The following ZBTB17 variants were observed in gnomAD, a reference collection of about 807,000 sequenced individuals.
ZBTB17 encodes zinc finger and BTB domain-containing protein 17.
A neutral mutation model predicts 85.1 loss-of-function variants in ZBTB17; 24 were observed. The observed-to-expected ratio is 0.28, with a 90% CI of 0.20 to 0.40. The LOEUF is 0.40. Among genes scored for constraint, ZBTB17 ranks in the 10% least tolerant of loss-of-function variants. ZBTB17 has a pLI of 1.00. For missense variants in ZBTB17, 743 were observed against 1,105.1 expected, an observed-to-expected ratio of 0.67 and a Z score of 4.65; for synonymous variants, 464 against 460.2, an observed-to-expected ratio of 1.01 and a Z score of -0.11.
intron 2 of ZBTB17, among the ~76,000 whole-genome samples, chr1:15,949,953 A>C (rs1422748804): frequency 6.6e-6 from 1 of 152,242 alleles, no homozygotes; most frequent in Non-Finnish European, 1.5e-5. Flanking sequence ...CCTCCGAGCC[A>C]CAAGTTCAGC....
chr1:15,962,478 T>C (rs1282905823), intron 2 of ZBTB17, among the ~76,000 whole-genome samples: 1 of 152,046 alleles, frequency 6.6e-6, no homozygotes, highest in Non-Finnish European at 1.5e-5. Context: ...GCCTCACCAG[T>C]GCTCACAATG....
At chr1:15,971,360 C>A (rs1056274118) in intron 2 of ZBTB17, among the ~76,000 whole-genome samples, 14 of 139,652 alleles carry the variant, frequency 1.0e-4, no homozygotes, top group East Asian at 2.1e-4. Context: ...CATACACACA[C>A]AATATATATA....
chr1:15,944,192 G>T, intron 9 of ZBTB17, 108 bp downstream of exon 9: 1 of 1,435,972 alleles, frequency 7.0e-7, no homozygotes, highest in Non-Finnish European at 9.5e-7. Flanking sequence ...AAGCTGATGA[G>T]CTCCTGGAGG....
At position 15,943,880 on chromosome 1, in the gene ZBTB17, C is replaced by T. The variant is rs1405454675; in HGVS notation, c.1387G>A (p.Ala463Thr). 2 of 1,603,692 alleles carry T rather than the reference C, an allele frequency of 1.2e-6. No homozygotes were observed. The highest frequency in any genetic ancestry group is 1.7e-6 in the Non-Finnish European group (2 of 1,175,554). The change falls in exon 10 of 16, where the codon GCC becomes ACC. Residue 463 changes from alanine (A) to threonine (T), a missense_variant. By Grantham distance (58) the Ala-to-Thr change is moderately conservative (BLOSUM62 0). Coordinates refer to ENST00000375743, the MANE Select transcript of ZBTB17 (RefSeq NM_003443.3). Reference sequence around the variant, plus strand: ...TCAGCGATGTGGATCTTCAGGTGGGCCTTCAGGTTCCCTACCTGTGCCCAG... The same window carrying T: ...TCAGCGATGTGGATCTTCAGGTGGGTCTTCAGGTTCCCTACCTGTGCCCAG... ...KKFNQVGNLK[A>T]HLKIHIADGP...
rs202067602 is a variant in ZBTB17 at position 15,945,858 on chromosome 1, C to T, written c.536-18G>A. The T allele has an allele frequency of 6.3e-6, 10 of 1,584,090 alleles. No homozygotes were observed. Among genetic ancestry groups the T allele is most frequent in the African/African-American group, 2.7e-5 (2 of 74,616 alleles). ...CTCTGCACCTGGGTGGGGGAAGCAC[C>T]GGAGGCTGGATTGCTACCCTCTGCC... is the stretch of plus-strand genomic sequence containing the variant. On this transcript the variant is annotated intron_variant, in intron 5 of 15. Coordinates refer to ENST00000375743, the MANE Select transcript of ZBTB17 (RefSeq NM_003443.3).
At chr1:15,960,639 T>C (rs915791637) in intron 2 of ZBTB17, among the ~76,000 whole-genome samples, 2 of 152,176 alleles carry the variant, frequency 1.3e-5, no homozygotes, top group Non-Finnish European at 2.9e-5. Flanking sequence ...CCACCTTCTT[T>C]CTACAAAGGA....
Position 15,942,143 on chromosome 1 carries a change from C to T in ZBTB17, c.2238G>A (p.Met746Ile). 6.2e-7 allele frequency: 1 copy of T among 1,613,664 alleles called. No homozygotes were observed. Residue 746 changes from methionine to isoleucine, a missense_variant, in exon 16 of 16, where the codon ATG (methionine) becomes ATA (isoleucine). Coordinates refer to ENST00000375743, the MANE Select transcript of ZBTB17 (RefSeq NM_003443.3). ...VRIHTAQALV[M>I]FQTDADFYQQ... ...GATAGAAGTCCGCGTCTGTCTGGAA[C>T]ATGACCAGTGCCTGGGCTGTGTGGA... is the stretch of plus-strand genomic sequence containing the variant.
At chr1:15,954,747 A>G (rs923747480) in intron 2 of ZBTB17, among the ~76,000 whole-genome samples, 3 of 152,170 alleles carry the variant, frequency 2.0e-5, no homozygotes, top group Non-Finnish European at 4.4e-5. Flanking sequence ...GCCACTCGGG[A>G]GGCTGAGACA....
At position 15,951,800 on chromosome 1, in the gene ZBTB17, C is replaced by T. The variant is rs1299271027; in HGVS notation, c.-2-3303G>A. On this transcript the variant is annotated intron_variant, in intron 2 of 15. Coordinates refer to ENST00000375743, the MANE Select transcript of ZBTB17 (RefSeq NM_003443.3). The surrounding 1 kb of genome is among the most constrained non-coding windows in gnomAD (Gnocchi z 4.1). ...GGGACATAGGAAAAGGGTTTGGGAGCGAAGGGGTGTGCAGGTCCTAGGAAC... is the reference window on the plus strand; with the variant it reads ...GGGACATAGGAAAAGGGTTTGGGAGTGAAGGGGTGTGCAGGTCCTAGGAAC... Among the ~76,000 whole-genome samples the T allele has an allele frequency of 1.3e-5, 2 of 152,024 alleles. No individual in the cohort carries two copies. Among genetic ancestry groups the T allele is most frequent in the East Asian group, 1.9e-4 (1 of 5,188 alleles).
In ZBTB17 at chr1:15,943,437, G is replaced by A. The variant is rs1237609411; in HGVS notation, c.1659C>T (p.Thr553=). The change falls in exon 12 of 16, where the codon ACC becomes ACT. Residue 553 remains threonine (T), a synonymous_variant. Transcript: ENST00000375743. ...SSLIAHVRQH[T]GEKPYVCERC... is the part of the protein sequence containing the mutation. ...GCTCGCAGACGTAGGGCTTCTCCCC[G>A]GTGTGCTGGCGCACGTGGGCGATGA... 2 of 1,609,786 alleles carry A rather than the reference G, an allele frequency of 1.2e-6. No homozygotes were observed. The highest frequency in any genetic ancestry group is 1.7e-6 in the Non-Finnish European group (2 of 1,177,726).
chr1:15,975,102 A>C (rs1290653906), intron 1 of ZBTB17, among the ~76,000 whole-genome samples: 2 of 152,238 alleles, frequency 1.3e-5, no homozygotes, highest in Non-Finnish European at 2.9e-5. Context: ...CTGCCCTCGC[A>C]GCAGTATCAG....
Position 15,948,463 on chromosome 1 carries a change from C to G in ZBTB17, c.33G>C (p.Leu11Phe). ...GCTGCCGCTGCTGGTTCAGCTGTTC[C>G]AAGACATGCTGGCTGTGCTGGGGAA... MDFPQHSQHV[L>F]EQLNQQRQLG... The change falls in exon 3 of 16, where the codon TTG becomes TTC. Residue 11 changes from leucine to phenylalanine, a missense_variant. Leu to Phe is a conservative substitution (Grantham distance 22, BLOSUM62 0). Coordinates refer to ENST00000375743, the MANE Select transcript of ZBTB17 (RefSeq NM_003443.3). The G allele has an allele frequency of 6.2e-7, 1 of 1,614,000 alleles. No homozygotes were observed. Among genetic ancestry groups the G allele is most frequent in the Non-Finnish European group, 8.5e-7 (1 of 1,180,018 alleles).
In ZBTB17 at chr1:15,951,753, C is replaced by T. The variant is rs778407106; in HGVS notation, c.-2-3256G>A. The stretch of plus-strand genomic sequence containing the variant: ...TATCTATTCCTCAGCGACAGGAACC[C>T]AGCAGGACGGCCAGGCTTGGAGGGA... On this transcript the variant is annotated intron_variant, in intron 2 of 15. Transcript: ENST00000375743. The surrounding 1 kb of genome is among the most constrained non-coding windows in gnomAD (Gnocchi z 4.1). 8.5e-5 allele frequency among the ~76,000 whole-genome samples: 13 copies of T among 152,112 alleles called. No homozygotes were observed. Among genetic ancestry groups the T allele is most frequent in the Non-Finnish European group, 1.6e-4 (11 of 68,024 alleles).
intron 2 of ZBTB17, chr1:15,970,001 T>C: frequency 4.7e-6 from 4 of 843,056 alleles, no homozygotes; most frequent in Non-Finnish European, 1.9e-6. Context: ...ATATGTTCGA[T>C]GGATAGCATT....
chr1:15,958,957 G>A (rs1338072320), intron 2 of ZBTB17, among the ~76,000 whole-genome samples: 2 of 152,200 alleles, frequency 1.3e-5, no homozygotes, highest in Non-Finnish European at 2.9e-5. Flanking sequence ...GCAGTCAGGA[G>A]TCACACTGGG....
chr1:15,942,454 C>A (rs1333451622), intron 14 of ZBTB17, 34 bp from the exon 15 acceptor site: 8 of 1,611,970 alleles, frequency 5.0e-6, no homozygotes, highest in Non-Finnish European at 6.8e-6. Context: ...AAGGTGAAGG[C>A]ACGGGCACTG....
In ZBTB17 at chr1:15,964,697, A is replaced by G. The variant is rs891912998; in HGVS notation, c.-3+8342T>C. Among the ~76,000 whole-genome samples the G allele has an allele frequency of 3.9e-5, 6 of 152,150 alleles. No homozygotes were observed. The highest frequency in any genetic ancestry group is 1.4e-4 in the African/African-American group (6 of 41,462). On this transcript the variant is annotated intron_variant, in intron 2 of 15. Transcript: ENST00000375743. The surrounding 1 kb of genome is among the most constrained non-coding windows in gnomAD (Gnocchi z 4.3). ...ACACCACTGCACTACAGCCTGGGTG[A>G]CAGAGCGAGACCCTGTCTCAGAAAA...
In ZBTB17 at chr1:15,943,547, C is replaced by T. The variant is rs576112543; in HGVS notation, c.1577-28G>A. 5 of 1,611,534 alleles carry T rather than the reference C, an allele frequency of 3.1e-6. No individual in the cohort carries two copies. In the African/African-American group the frequency reaches 5.3e-5, roughly 17 times the overall value. On this transcript the variant is annotated intron_variant, in intron 11 of 15. Transcript: ENST00000375743. ...GGGGACCGGGCAGAAGGTGTTGGTG[C>T]CTGCTCCTCTCCGTGCCCTCCCAGT...
intron 2 of ZBTB17, among the ~76,000 whole-genome samples, chr1:15,950,003 TC>T (rs1266250409): frequency 1.3e-5 from 2 of 152,066 alleles, no homozygotes; most frequent in African/African-American, 4.8e-5. Context: ...AGCTGTTCCC[TC>T]CCCCTACACA....
Sources: gnomAD v4.1 joint callset for allele counts (sites outside exome capture counted in the v4.1 genomes callset) on GRCh38, gnomAD v4.1.1 for gene constraint, Gnocchi (gnomAD v3.1) non-coding constraint, MANE v1.5 for transcripts, NCBI Gene and HGNC (gene_info 2026-07-23, HGNC 2026-07-21) for gene names.